The following CSGALNACT1 variants were observed in gnomAD, a reference collection of about 807,000 sequenced individuals.
CSGALNACT1 encodes chondroitin sulfate N-acetylgalactosaminyltransferase 1.
A neutral mutation model predicts 51.0 loss-of-function variants in CSGALNACT1; 52 were observed. The observed-to-expected ratio is 1.02, with a 90% CI of 0.82 to 1.29. The LOEUF is 1.29. Among genes scored for constraint, CSGALNACT1 ranks in the 50% most tolerant of loss-of-function variants. CSGALNACT1 has a pLI of 0.00. For missense variants in CSGALNACT1, 935 were observed against 679.2 expected, an observed-to-expected ratio of 1.38 and a Z score of -4.19; for synonymous variants, 341 against 254.4, an observed-to-expected ratio of 1.34 and a Z score of -3.24.
At chr8:19,492,714 A>G (rs988099804) in intron 4 of CSGALNACT1, among the ~76,000 whole-genome samples, 4 of 152,214 alleles carry the variant, frequency 2.6e-5, no homozygotes, top group Non-Finnish European at 4.4e-5. Flanking sequence ...CCACCAGCCT[A>G]GCAATGGCAT....
intron 4 of CSGALNACT1, among the ~76,000 whole-genome samples, chr8:19,467,444 T>G (rs1351018018): frequency 6.6e-6 from 1 of 151,996 alleles, no homozygotes; most frequent in Non-Finnish European, 1.5e-5. Context: ...GACTTCCTTT[T>G]CAGAGCCCTT....
chr8:19,407,432 G>A (rs12546845), intron 9 of CSGALNACT1, among the ~76,000 whole-genome samples: 8 of 152,088 alleles, frequency 5.3e-5, no homozygotes, highest in Non-Finnish European at 7.4e-5. Context: ...TGACTCCATC[G>A]CAGCTGAGCC....
intron 4 of CSGALNACT1, among the ~76,000 whole-genome samples, chr8:19,484,237 T>G (rs1036864737): frequency 2.0e-5 from 3 of 151,634 alleles, no homozygotes; most frequent in African/African-American, 4.9e-5. Context: ...GAGCTTCCTC[T>G]AAGTAAAAAG....
chr8:19,466,798 G>C (rs2066786510), intron 4 of CSGALNACT1, among the ~76,000 whole-genome samples: 1 of 152,168 alleles, frequency 6.6e-6, no homozygotes, highest in Non-Finnish European at 1.5e-5. Flanking sequence ...CCACAGAAAT[G>C]TCCCTACTTT....
intron 1 of CSGALNACT1, among the ~76,000 whole-genome samples, chr8:19,667,875 T>G (rs2059506621): frequency 3.3e-5 from 5 of 152,198 alleles, no homozygotes; most frequent in Admixed American, 6.5e-5. Context: ...TAAAAAAGTA[T>G]TAAACTCAAT....
intron 4 of CSGALNACT1, among the ~76,000 whole-genome samples, chr8:19,489,470 A>G (rs1278253751): frequency 2.0e-5 from 3 of 152,078 alleles, no homozygotes; most frequent in Non-Finnish European, 4.4e-5. Context: ...CTTCCTTCTG[A>G]GGCCAATCCC....
chr8:19,592,202 T>C (rs1438379696), intron 2 of CSGALNACT1, among the ~76,000 whole-genome samples: 3 of 152,192 alleles, frequency 2.0e-5, no homozygotes, highest in African/African-American at 7.2e-5. Context: ...GGAAAATAGT[T>C]TAAAGGACAT....
rs560657836 is a variant in CSGALNACT1, at chr8:19,530,842, A to T, written c.-296-24712T>A. ...GGACTGGTGAGGAAAAAAGAGTCAC[A>T]CGAAATGAGCAACAGAAGTTTTGTT... On this transcript the variant is annotated intron_variant, in intron 3 of 9. Transcript: ENST00000454498. Among the ~76,000 whole-genome samples, 323 of 152,352 alleles carry T rather than the reference A, an allele frequency of 2.1e-3. 3 individuals are homozygous for T. Among genetic ancestry groups the T allele is most frequent in the African/African-American group, 7.5e-3 (313 of 41,590 alleles).
intron 3 of CSGALNACT1, among the ~76,000 whole-genome samples, chr8:19,555,712 G>T (rs2089550416): frequency 6.6e-6 from 1 of 152,058 alleles, no homozygotes; most frequent in South Asian, 2.1e-4. Flanking sequence ...TTAGGTTCCA[G>T]GATTATTGAG....
chr8:19,549,937 C>T (rs79521522), intron 3 of CSGALNACT1, among the ~76,000 whole-genome samples: 5 of 151,962 alleles, frequency 3.3e-5, no homozygotes, highest in African/African-American at 1.2e-4. Flanking sequence ...TGCGACCTAC[C>T]TTTTCTCTGT....
At chr8:19,695,776 TG>T (rs2061550992) in intron 1 of CSGALNACT1, among the ~76,000 whole-genome samples, 1 of 152,252 alleles carries the variant, frequency 6.6e-6, no homozygotes, top group South Asian at 2.1e-4. Flanking sequence ...TAAGAGTTTG[TG>T]GAGTCAAAAA....
intron 4 of CSGALNACT1, among the ~76,000 whole-genome samples, chr8:19,476,398 G>T (rs182465118): frequency 6.6e-6 from 1 of 152,108 alleles, no homozygotes; most frequent in East Asian, 1.9e-4. Context: ...CCACCACCAC[G>T]CCTGGCTAAT....
chr8:19,430,009 T>G (rs1010634007), intron 6 of CSGALNACT1, among the ~76,000 whole-genome samples: 4 of 152,360 alleles, frequency 2.6e-5, no homozygotes, highest in African/African-American at 9.6e-5. Context: ...ATTGGCCACT[T>G]GTGTATCATC....
At chr8:19,619,249 G>A (rs908428006) in intron 1 of CSGALNACT1, among the ~76,000 whole-genome samples, 23 of 111,354 alleles carry the variant, frequency 2.1e-4, no homozygotes, top group African/African-American at 7.5e-4. Context: ...AGACAGGGTC[G>A]GGGGGGGGTG....
chr8:19,587,076 G>A (rs1359026563), intron 3 of CSGALNACT1, among the ~76,000 whole-genome samples: 1 of 152,172 alleles, frequency 6.6e-6, no homozygotes, highest in African/African-American at 2.4e-5. Flanking sequence ...ATTGGCCTTA[G>A]GGCTTTGCTG....
rs185533578 is a variant in CSGALNACT1, at chr8:19,633,532, C to G, written c.-543-31667G>C. Among the ~76,000 whole-genome samples the G allele has an allele frequency of 4.2e-3, 637 of 152,248 alleles. 4 individuals carry two copies. Among genetic ancestry groups the G allele is most frequent in the African/African-American group, 0.014 (590 of 41,550 alleles). On this transcript the variant is annotated intron_variant, in intron 1 of 9. Transcript: ENST00000332246. ...TCCTTAATTCCATATGGCTATTGTC[C>G]TCTTAACACAATGTGAAAATGTGAC...
intron 1 of CSGALNACT1, among the ~76,000 whole-genome samples, chr8:19,624,952 C>T (rs1042865419): frequency 6.6e-6 from 1 of 152,220 alleles, no homozygotes; most frequent in African/African-American, 2.4e-5. Flanking sequence ...GCCGGGATTA[C>T]AGGCGTGAGC....
chr8:19,744,442 G>A (rs773217023), intron 1 of CSGALNACT1, among the ~76,000 whole-genome samples: 75 of 152,156 alleles, frequency 4.9e-4, no homozygotes, highest in Non-Finnish European at 1.0e-3. Flanking sequence ...GAGTCCAGAT[G>A]TCCAACACGT....
At chr8:19,542,787 CAT>C (rs1201407931) in intron 3 of CSGALNACT1, among the ~76,000 whole-genome samples, 3 of 152,018 alleles carry the variant, frequency 2.0e-5, no homozygotes, top group Non-Finnish European at 4.4e-5. Context: ...AAGAAGAAAA[CAT>C]AATTCATAAG....
Sources: gnomAD v4.1 joint callset for allele counts (sites outside exome capture counted in the v4.1 genomes callset) on GRCh38, gnomAD v4.1.1 for gene constraint, MANE v1.5 for transcripts, NCBI Gene and HGNC (gene_info 2026-07-23, HGNC 2026-07-21) for gene names.